Variants in PDLIM3 observed in about 807,000 individuals in gnomAD.
PDLIM3 encodes PDZ and LIM domain 3, also known as PDZ and LIM domain protein 3.
PDLIM3 carries 36 observed loss-of-function variants against 37.3 expected under a neutral mutation model. That is an observed-to-expected ratio of 0.97 (90% CI 0.74 to 1.28). The LOEUF is 1.28. Ranked by LOEUF, PDLIM3 falls within the 50% of genes most tolerant of loss-of-function variation. PDLIM3 has a pLI of 0.00. For missense variants in PDLIM3, 454 were observed against 485.0 expected (o/e 0.94, Z 0.60); for synonymous variants, 174 against 182.4 (o/e 0.95, Z 0.37).
At chr4:185,530,169 A>T (rs1166936890) in intron 1 of PDLIM3, among the ~76,000 whole-genome samples, 1 of 152,226 alleles carries the variant, frequency 6.6e-6, no homozygotes, top group Non-Finnish European at 1.5e-5. Flanking sequence ...CAGTACTTCC[A>T]CGTAGACACG....
chr4:185,535,151 C>T (rs115369058), intron 1 of PDLIM3, among the ~76,000 whole-genome samples, 191 bp downstream of exon 1: 1 of 152,176 alleles, frequency 6.6e-6, no homozygotes, highest in Non-Finnish European at 1.5e-5. Context: ...ATCTCTGAGC[C>T]GCTCCGCAGC....
At chr4:185,529,357 T>C (rs2095739813) in intron 1 of PDLIM3, among the ~76,000 whole-genome samples, 1 of 152,200 alleles carries the variant, frequency 6.6e-6, no homozygotes, top group Admixed American at 6.5e-5. Context: ...AGATAAAGCA[T>C]CTATAATGTC....
chr4:185,532,938 A>G (rs1288204947), intron 1 of PDLIM3, among the ~76,000 whole-genome samples: 1 of 152,222 alleles, frequency 6.6e-6, no homozygotes, highest in East Asian at 1.9e-4. Flanking sequence ...AGGATGGCAC[A>G]AAACAACTCT....
At chr4:185,534,775 GC>G (rs944824086) in intron 1 of PDLIM3, among the ~76,000 whole-genome samples, 1 of 152,248 alleles carries the variant, frequency 6.6e-6, no homozygotes, top group Non-Finnish European at 1.5e-5. Context: ...TGAGGAGTGA[GC>G]ATTAGGAAGA....
intron 3 of PDLIM3, among the ~76,000 whole-genome samples, chr4:185,520,008 T>C (rs2095720940): frequency 6.6e-6 from 1 of 152,248 alleles, no homozygotes; most frequent in Admixed American, 6.5e-5. Flanking sequence ...AAGACATCTT[T>C]TTTGCACAGC....
rs1253543718 is a variant in PDLIM3, at chr4:185,502,291, G to A, written c.*3C>T. ...CGTGCGTGCGTGCCACGCCTGCAGAGACTTAAGCTTTGGGATACAGAGTGA... is the reference window on the plus strand; with the variant it reads ...CGTGCGTGCGTGCCACGCCTGCAGAAACTTAAGCTTTGGGATACAGAGTGA... On this transcript the variant is annotated 3_prime_UTR_variant, in exon 8 of 8. Coordinates refer to ENST00000284767, the MANE Select transcript of PDLIM3 (RefSeq NM_014476.6). The A allele has an allele frequency of 1.2e-6, 2 of 1,614,142 alleles. No individual in the cohort carries two copies. Among genetic ancestry groups the A allele is most frequent in the Admixed American group, 1.7e-5 (1 of 60,024 alleles).
intron 4 of PDLIM3, among the ~76,000 whole-genome samples, chr4:185,510,873 A>C (rs1166699569): frequency 6.6e-6 from 1 of 152,268 alleles, no homozygotes; most frequent in Non-Finnish European, 1.5e-5. Context: ...AAGATCTTTT[A>C]AACTGATCCT....
At chr4:185,523,898 G>A (rs146530158) in intron 2 of PDLIM3, among the ~76,000 whole-genome samples, 21 of 151,804 alleles carry the variant, frequency 1.4e-4, no homozygotes, top group African/African-American at 3.4e-4. Context: ...GATTACAGGC[G>A]GGAGCCACCA....
At position 185,504,604 on chromosome 4, in the gene PDLIM3, T is replaced by G; in HGVS notation, c.794-18A>C. The G allele has an allele frequency of 6.3e-7, 1 of 1,596,668 alleles. No homozygotes were observed. Among genetic ancestry groups the G allele is most frequent in the Non-Finnish European group, 8.6e-7 (1 of 1,164,958 alleles). On this transcript the variant is annotated intron_variant, in intron 6 of 7. Transcript: ENST00000284767. The surrounding 1 kb of genome is among the most constrained non-coding windows in gnomAD (Gnocchi z 4.7). ...ACGGTCATCTGAAAAACAAAGCGTTTCCATTTATGGCTAGGGAACAGCTGG... is the reference window on the plus strand; with the variant it reads ...ACGGTCATCTGAAAAACAAAGCGTTGCCATTTATGGCTAGGGAACAGCTGG...
chr4:185,514,927 G>A lies in PDLIM3; in HGVS notation c.331-590C>T, dbSNP rs1340679785. Reference sequence around the variant, plus strand: ...CAGACAAAATACACAGCCACACAGCGCACAAGAAAGCCATTAGTGAGCGAA... The same window carrying A: ...CAGACAAAATACACAGCCACACAGCACACAAGAAAGCCATTAGTGAGCGAA... On this transcript the variant is annotated intron_variant, in intron 3 of 7. Transcript: ENST00000284767. The surrounding 1 kb of genome is among the most constrained non-coding windows in gnomAD (Gnocchi z 4.0). The A allele has an allele frequency of 4.7e-6, 7 of 1,501,828 alleles. No individual in the cohort carries two copies. Among genetic ancestry groups the A allele is most frequent in the East Asian group, 2.5e-5 (1 of 40,352 alleles). The allele number at this position is 1,501,828 out of a possible 1,614,324, so 93.0% of individuals were successfully genotyped here. A position where few individuals can be genotyped will look rare whatever the true frequency, so the allele number is the denominator to read the frequency against.
intron 7 of PDLIM3, among the ~76,000 whole-genome samples, chr4:185,503,087 G>A (rs984654330): frequency 2.0e-5 from 3 of 152,048 alleles, no homozygotes; most frequent in African/African-American, 7.2e-5. Flanking sequence ...AAAATTAGCC[G>A]GGCGTGGGCA....
intron 4 of PDLIM3, chr4:185,513,629 G>C (rs1424960157): frequency 1.0e-6 from 1 of 988,014 alleles, no homozygotes; most frequent in Non-Finnish European, 1.2e-6. Flanking sequence ...GTTCCTGTCG[G>C]AATCAATCCG....
At chr4:185,506,835 G>A in intron 5 of PDLIM3, 183 bp from the exon 6 acceptor site, 1 of 591,568 alleles carries the variant, frequency 1.7e-6, no homozygotes, top group Non-Finnish European at 3.0e-6. Flanking sequence ...TGGCTGCCTT[G>A]GAAATGTCAT....
rs373657946 is a variant in PDLIM3 at position 185,523,414 on chromosome 4, G to A, written c.278C>T (p.Ser93Phe). 1 of 1,611,296 alleles carries A rather than the reference G, an allele frequency of 6.2e-7. No individual in the cohort carries two copies. The highest frequency in any genetic ancestry group is 1.3e-5 in the African/African-American group (1 of 74,838). Reference sequence around the variant, plus strand: ...GAAAGGATGGGCTTTCCCATCTTCAGATACTTGTGGAGACCATAAGTGAGT... The same window carrying A: ...GAAAGGATGGGCTTTCCCATCTTCAAATACTTGTGGAGACCATAAGTGAGT... ...GETHLWSPQV[S>F]EDGKAHPFKI... Residue 93 changes from serine (S) to phenylalanine (F), a missense_variant, in exon 3 of 8, where the codon TCT becomes TTT. By Grantham distance (155) the Ser-to-Phe change is radical (BLOSUM62 -2). Coordinates refer to ENST00000284767, the MANE Select transcript of PDLIM3 (RefSeq NM_014476.6).
chr4:185,522,226 C>T (rs2095724234), intron 3 of PDLIM3, among the ~76,000 whole-genome samples: 1 of 66,608 alleles, frequency 1.5e-5, no homozygotes, highest in African/African-American at 2.7e-5. Context: ...CAGCAAGAAA[C>T]GCCAGGAGAC....
chr4:185,512,839 T>C, intron 4 of PDLIM3: 2 of 984,298 alleles, frequency 2.0e-6, no homozygotes, highest in Non-Finnish European at 2.4e-6. Context: ...TGGGGTTGGG[T>C]TGGGGTGGGG....
In PDLIM3 at chr4:185,508,549, G is replaced by A; in HGVS notation, c.412C>T (p.Pro138Ser). The A allele has an allele frequency of 7.4e-6, 12 of 1,613,938 alleles. No individual in the cohort carries two copies. The highest frequency in any genetic ancestry group is 1.0e-5 in the Non-Finnish European group (12 of 1,179,892). The change falls in exon 5 of 8, where the codon CCC becomes TCC. Residue 138 changes from proline to serine, a missense_variant. Transcript: ENST00000284767. ...CCACTGCCACAGTCAATCCCGGAGG[G>A]AGTGCTGCATCCACTGTGTTAATGG... The part of the protein sequence containing the change: ...IPGRSSGCST[P>S]SGIDCGSGRS...
chr4:185,533,179 C>T (rs956908987), intron 1 of PDLIM3, among the ~76,000 whole-genome samples: 3 of 152,130 alleles, frequency 2.0e-5, no homozygotes, highest in Non-Finnish European at 4.4e-5. Context: ...AGGTTCCCAT[C>T]AATGCCTGGC....
intron 4 of PDLIM3, among the ~76,000 whole-genome samples, chr4:185,510,534 T>G (rs916745066): frequency 1.3e-5 from 2 of 152,206 alleles, no homozygotes; most frequent in Non-Finnish European, 2.9e-5. Flanking sequence ...CTACTACCTA[T>G]GTGTATTGTA....
Sources: gnomAD v4.1 joint callset for allele counts (sites outside exome capture counted in the v4.1 genomes callset) on GRCh38, gnomAD v4.1.1 for gene constraint, Gnocchi (gnomAD v3.1) non-coding constraint, MANE v1.5 for transcripts, NCBI Gene and HGNC (gene_info 2026-07-23, HGNC 2026-07-21) for gene names.